PGR: variants seen among roughly 807,000 people sequenced by gnomAD.
PGR encodes the protein progesterone receptor, also known as nuclear receptor subfamily 3 group C member 3.
In PGR, 25 loss-of-function variants were observed where a neutral mutation model predicts 76.1. The observed-to-expected ratio is 0.33, with a 90% CI of 0.24 to 0.46. The LOEUF is 0.46. Ranked by LOEUF, PGR falls within the 20% of genes least tolerant of loss-of-function variation. PGR has a pLI of 1.00. For missense variants in PGR, 1,172 were observed against 1,225.3 expected (o/e 0.96, Z 0.65); for synonymous variants, 579 against 535.0 (o/e 1.08, Z -1.14).
intron 2 of PGR, among the ~76,000 whole-genome samples, chr11:101,117,061 C>T (rs998849463): frequency 6.6e-6 from 1 of 152,120 alleles, no homozygotes; most frequent in African/African-American, 2.4e-5. Flanking sequence ...TGTAATACTG[C>T]AATAAACATC....
rs1356602416 is a variant in PGR at position 101,128,313 on chromosome 11, G to A, written c.758C>T (p.Ala253Val). 1 of 1,594,616 alleles carries A rather than the reference G, an allele frequency of 6.3e-7. No homozygotes were observed. The highest frequency in any genetic ancestry group is 1.1e-5 in the South Asian group (1 of 90,394). Reference protein sequence around the residue: ...ALGGAAAGGGAAAVPPGAAAG... With the variant: ...ALGGAAAGGGVAAVPPGAAAG... ...TGCCGCCCCCGGCGGGACAGCCGCG[G>A]CTCCTCCTCCAGCCGCCGCGCCACC... Residue 253 changes from alanine to valine, a missense_variant, in exon 1 of 8, where the codon GCC (alanine) becomes GTC (valine). This residue lies in a region of PGR where 893 missense variants were observed against 785.9 expected (regional missense o/e 1.14). Coordinates refer to ENST00000325455, the MANE Select transcript of PGR (RefSeq NM_000926.4).
chr11:101,084,439 C>T (rs1478785008), intron 3 of PGR, among the ~76,000 whole-genome samples: 1 of 152,016 alleles, frequency 6.6e-6, no homozygotes, highest in Non-Finnish European at 1.5e-5. Flanking sequence ...GGGTGGATCA[C>T]CTGAGACCAG....
chr11:101,084,935 T>C (rs1389723697), intron 3 of PGR, among the ~76,000 whole-genome samples: 21 of 152,102 alleles, frequency 1.4e-4, no homozygotes, highest in Admixed American at 1.4e-3. Flanking sequence ...ACATACGCCC[T>C]CAACACTGGC....
At chr11:101,069,329 A>G (rs1174283076) in intron 3 of PGR, among the ~76,000 whole-genome samples, 1 of 152,222 alleles carries the variant, frequency 6.6e-6, no homozygotes, top group African/African-American at 2.4e-5. Context: ...CACACCAGTT[A>G]GAATGGCGAT....
At chr11:101,118,862 A>G (rs1395610193) in intron 2 of PGR, among the ~76,000 whole-genome samples, 1 of 152,218 alleles carries the variant, frequency 6.6e-6, no homozygotes, top group Non-Finnish European at 1.5e-5. Context: ...GGGAAGATAT[A>G]CAGAGTATGT....
chr11:101,095,672 C>T (rs754797562), intron 2 of PGR, among the ~76,000 whole-genome samples: 1 of 152,060 alleles, frequency 6.6e-6, no homozygotes, highest in Non-Finnish European at 1.5e-5. Context: ...TGACATTTGG[C>T]AATTAAAATG....
At chr11:101,125,557 ATGT>A (rs1293688534) in intron 2 of PGR, among the ~76,000 whole-genome samples, 1 of 152,232 alleles carries the variant, frequency 6.6e-6, no homozygotes, top group African/African-American at 2.4e-5. Context: ...CATCATATAC[ATGT>A]TGTGATATAT....
In PGR at chr11:101,128,902, C is replaced by A. The variant is rs3740754; in HGVS notation, c.169G>T (p.Gly57Trp). The A allele has an allele frequency of 1.2e-6, 2 of 1,613,844 alleles. No homozygotes were observed. Among genetic ancestry groups the A allele is most frequent in the Non-Finnish European group, 1.7e-6 (2 of 1,180,020 alleles). Residue 57 changes from glycine (G) to tryptophan (W), a missense_variant, in exon 1 of 8, where the codon GGG (glycine) becomes TGG (tryptophan). Physicochemically the swap from Gly to Trp is radical, Grantham distance 184. Transcript: ENST00000325455. The stretch of plus-strand genomic sequence containing the variant: ...TGGCAGGGCCGAGGGAAGAGTAGCC[C>A]GTCCAGGGAGATAGGTATGGCCGAA... ...EVSAIPISLD[G>W]LLFPRPCQGQ...
intron 3 of PGR, among the ~76,000 whole-genome samples, chr11:101,069,376 A>G (rs967291753): frequency 6.6e-6 from 1 of 152,152 alleles, no homozygotes; most frequent in African/African-American, 2.4e-5. Context: ...GCTGGAGAGG[A>G]TGTGGAGAAA....
Position 101,070,328 on chromosome 11 carries a change from A to G in PGR, c.1907-7576T>C, listed in dbSNP as rs546852927. 1.1e-4 allele frequency among the ~76,000 whole-genome samples: 16 copies of G among 152,286 alleles called. No individual in the cohort carries two copies. The South Asian group carries it at 2.9e-3, about 28-fold the overall frequency. Reference sequence around the variant, plus strand: ...GCTTTCCCCATGGTCTTTGCAACCCACAGACCAGGAGATTCCCTTGGGTGC... The same window carrying G: ...GCTTTCCCCATGGTCTTTGCAACCCGCAGACCAGGAGATTCCCTTGGGTGC... On this transcript the variant is annotated intron_variant, in intron 3 of 7. Coordinates refer to ENST00000325455, the MANE Select transcript of PGR (RefSeq NM_000926.4).
chr11:101,074,509 T>C (rs1485830137), intron 3 of PGR, among the ~76,000 whole-genome samples: 2 of 152,164 alleles, frequency 1.3e-5, no homozygotes, highest in Non-Finnish European at 2.9e-5. Flanking sequence ...ATAAAGCGTA[T>C]TCAAATAGGA....
intron 2 of PGR, among the ~76,000 whole-genome samples, chr11:101,121,032 A>G (rs1350063556): frequency 6.6e-6 from 1 of 152,204 alleles, no homozygotes; most frequent in Non-Finnish European, 1.5e-5. Context: ...AGTACAGTAG[A>G]GATTTCAATG....
At chr11:101,089,570 C>T (rs1861606870) in intron 3 of PGR, among the ~76,000 whole-genome samples, 1 of 152,078 alleles carries the variant, frequency 6.6e-6, no homozygotes, top group Admixed American at 6.6e-5. Flanking sequence ...GAATTTTGTC[C>T]ATTTTCTTTG....
chr11:101,047,213 C>T (rs948111734), intron 6 of PGR, among the ~76,000 whole-genome samples: 6 of 152,148 alleles, frequency 3.9e-5, no homozygotes, highest in Non-Finnish European at 7.3e-5. Flanking sequence ...CAAAGCCTCC[C>T]TGTTGATTAA....
rs1859547664 is a variant in PGR, at chr11:101,037,422, A to T, written c.*1694T>A. ...TTTCTTGTGCTAATACCAGGTATTC[A>T]ATCAATATTTGTTGAATGAAATTAG... On this transcript the variant is annotated 3_prime_UTR_variant, in exon 8 of 8. Coordinates refer to ENST00000325455, the MANE Select transcript of PGR (RefSeq NM_000926.4). 1 of 219,598 alleles carries T rather than the reference A, an allele frequency of 4.6e-6. No individual in the cohort carries two copies. Among genetic ancestry groups the T allele is most frequent in the Non-Finnish European group, 9.1e-6 (1 of 109,426 alleles). The allele number at this position is 219,598 out of a possible 1,614,324, so 13.6% of individuals were successfully genotyped here. A position where few individuals can be genotyped will look rare whatever the true frequency, so the allele number is the denominator to read the frequency against.
At chr11:101,122,182 A>AT (rs11436371) in intron 2 of PGR, among the ~76,000 whole-genome samples, 148,678 of 148,678 alleles carry the variant, frequency 1, 74,339 homozygotes, top group Non-Finnish European at 1. Flanking sequence ...TGAGCATAAT[A>AT]TGCAATACAA....
At chr11:101,042,133 G>T in intron 6 of PGR, 31 bp from the exon 7 acceptor site, 3 of 1,608,756 alleles carry the variant, frequency 1.9e-6, no homozygotes, top group Non-Finnish European at 2.6e-6. Flanking sequence ...AGTGGCAGTT[G>T]TGTATAAAAA....
chr11:101,104,969 G>T (rs188277329), intron 2 of PGR, among the ~76,000 whole-genome samples: 5 of 152,120 alleles, frequency 3.3e-5, no homozygotes, highest in Non-Finnish European at 7.4e-5. Flanking sequence ...ACTCATGGAA[G>T]CTGGAAGCTG....
At chr11:101,106,004 T>G (rs1288885134) in intron 2 of PGR, among the ~76,000 whole-genome samples, 2 of 152,192 alleles carry the variant, frequency 1.3e-5, no homozygotes, top group Non-Finnish European at 2.9e-5. Context: ...TAAATGGTGT[T>G]GGGAAAACTG....
Sources: allele counts gnomAD v4.1 joint callset (sites outside exome capture counted in the v4.1 genomes callset), GRCh38; gene constraint gnomAD v4.1.1; regional missense constraint gnomAD v4.1.1; transcripts MANE v1.5; gene names NCBI Gene and HGNC (gene_info 2026-07-23, HGNC 2026-07-21).